PLD5: variants seen among roughly 807,000 people sequenced by gnomAD.
PLD5 encodes the protein inactive phospholipase D5.
A neutral mutation model predicts 61.1 loss-of-function variants in PLD5; 36 were observed. That is an observed-to-expected ratio of 0.59 (90% CI 0.45 to 0.78). The LOEUF is 0.78. Among genes scored for constraint, PLD5 ranks in the 30% least tolerant of loss-of-function variants. The pLI is 0.00. For missense variants in PLD5, 515 were observed against 644.4 expected (o/e 0.80, Z 2.17); for synonymous variants, 243 against 242.8 (o/e 1.00, Z -0.01).
chr1:242,205,574 T>C (rs1441020813), intron 5 of PLD5, among the ~76,000 whole-genome samples: 1 of 152,232 alleles, frequency 6.6e-6, no homozygotes, highest in Non-Finnish European at 1.5e-5. Flanking sequence ...TCATTTGTTT[T>C]CCCTCATTTC....
At chr1:242,121,393 G>A (rs891605547) in intron 6 of PLD5, among the ~76,000 whole-genome samples, 1 of 152,094 alleles carries the variant, frequency 6.6e-6, no homozygotes, top group African/African-American at 2.4e-5. Context: ...TCCAGTTGCA[G>A]GGTTTTCTGA....
chr1:242,365,840 T>C (rs1490905149), intron 1 of PLD5: 2 of 154,994 alleles, frequency 1.3e-5, no homozygotes, highest in African/African-American at 4.8e-5. Context: ...CACATTCGAA[T>C]AAATTCTACC....
rs868777712 is a variant in PLD5, at chr1:242,394,206, G to A, written c.190-45964C>T. Among the ~76,000 whole-genome samples the A allele has an allele frequency of 4.7e-3, 176 of 37,304 alleles. 19 individuals carry two copies. Among genetic ancestry groups the A allele is most frequent in the Non-Finnish European group, 5.5e-3 (102 of 18,470 alleles). 24.5% of individuals were successfully genotyped at this position (37,304 alleles called of 152,430 possible). A position where few individuals can be genotyped will look rare whatever the true frequency, so the allele number is the denominator to read the frequency against. On this transcript the variant is annotated intron_variant, in intron 1 of 9. Transcript: ENST00000536534. ...TGAGTATATATGAGTATATATATGT[G>A]TATATGAGTATATATATGTGTATAT...
At position 242,360,326 on chromosome 1, in the gene PLD5, G is replaced by GA. The variant is rs1004398244; in HGVS notation, c.190-12085dup. ...AGGATCATGATAAATACACCCTAATGAAAAAAAACATAAATTTTGTAATTT... is the reference window on the plus strand; with the variant it reads ...AGGATCATGATAAATACACCCTAATGAAAAAAAAACATAAATTTTGTAATTT... On this transcript the variant is annotated intron_variant, in intron 1 of 9. Transcript: ENST00000536534. Among the ~76,000 whole-genome samples the GA allele has an allele frequency of 6.0e-5, 9 of 151,042 alleles. No individual in the cohort carries two copies. In the East Asian group the frequency reaches 7.7e-4, roughly 13 times the overall value.
intron 1 of PLD5, among the ~76,000 whole-genome samples, chr1:242,476,925 A>G (rs1558593937): frequency 6.6e-6 from 1 of 152,174 alleles, no homozygotes; most frequent in Non-Finnish European, 1.5e-5. Context: ...TAAGTGACAA[A>G]TGAACAACTC....
At chr1:242,366,872 T>G (rs1051709758) in intron 1 of PLD5, among the ~76,000 whole-genome samples, 2 of 152,172 alleles carry the variant, frequency 1.3e-5, no homozygotes, top group African/African-American at 4.8e-5. Context: ...ATCAATAATT[T>G]TTGTGTTTTA....
intron 2 of PLD5, chr1:242,345,620 A>C (rs1296426507): frequency 8.2e-7 from 1 of 1,221,828 alleles, no homozygotes; most frequent in Non-Finnish European, 1.2e-6. Flanking sequence ...TGTTGGCAGA[A>C]TATGACTTTC....
chr1:242,231,584 C>T (rs991970847), intron 4 of PLD5, among the ~76,000 whole-genome samples: 1 of 152,106 alleles, frequency 6.6e-6, no homozygotes, highest in Non-Finnish European at 1.5e-5. Flanking sequence ...GGAGGCTCAC[C>T]AACTAGAGAA....
chr1:242,145,936 A>G (rs1022059619), intron 5 of PLD5, among the ~76,000 whole-genome samples: 11 of 152,190 alleles, frequency 7.2e-5, no homozygotes, highest in Admixed American at 2.0e-4. Flanking sequence ...TTGGCCTCCC[A>G]AAGTGTTGGG....
chr1:242,420,997 T>C (rs2149298742), intron 1 of PLD5, among the ~76,000 whole-genome samples: 1 of 152,072 alleles, frequency 6.6e-6, no homozygotes, highest in Admixed American at 6.5e-5. Context: ...CTGACCAACA[T>C]GGTGAAACCC....
chr1:242,518,297 C>T (rs72765081), intron 1 of PLD5, among the ~76,000 whole-genome samples: 2,775 of 152,330 alleles, frequency 0.018, 34 homozygotes, highest in South Asian at 0.055. Context: ...TTAACAGCCA[C>T]AGTTTGACCT....
intron 9 of PLD5, among the ~76,000 whole-genome samples, chr1:242,097,323 A>C (rs1048837889): frequency 6.6e-6 from 1 of 152,238 alleles, no homozygotes; most frequent in African/African-American, 2.4e-5. Flanking sequence ...AGGAATCGCC[A>C]CACTGAGTTC....
chr1:242,427,179 T>C (rs1182702594), intron 1 of PLD5, among the ~76,000 whole-genome samples: 2 of 152,158 alleles, frequency 1.3e-5, no homozygotes, highest in East Asian at 3.9e-4. Flanking sequence ...AGAATTACCT[T>C]GATCAACACA....
At chr1:242,505,163 T>C (rs1436856264) in intron 1 of PLD5, among the ~76,000 whole-genome samples, 3 of 152,252 alleles carry the variant, frequency 2.0e-5, no homozygotes, top group African/African-American at 7.2e-5. Flanking sequence ...TCTCAAAAAA[T>C]TTTTTAAAAA....
At chr1:242,157,381 C>T (rs1665466874) in intron 5 of PLD5, among the ~76,000 whole-genome samples, 1 of 152,152 alleles carries the variant, frequency 6.6e-6, no homozygotes, top group East Asian at 1.9e-4. Context: ...ATTCTCTGTC[C>T]AGTTTTGCTC....
intron 3 of PLD5, among the ~76,000 whole-genome samples, chr1:242,282,179 T>C (rs1674752416): frequency 1.3e-5 from 2 of 152,298 alleles, no homozygotes; most frequent in African/African-American, 4.8e-5. Flanking sequence ...CACTGTTCTA[T>C]CCTCTTCACA....
chr1:242,476,125 C>T (rs895867341), intron 1 of PLD5, among the ~76,000 whole-genome samples: 2 of 152,112 alleles, frequency 1.3e-5, no homozygotes, highest in South Asian at 2.1e-4. Context: ...GAGGCCAAGG[C>T]GAGCGGATCA....
chr1:242,336,346 C>T (rs7521223), intron 2 of PLD5, among the ~76,000 whole-genome samples: 9,092 of 152,126 alleles, frequency 0.06, 833 homozygotes, highest in African/African-American at 0.2. Context: ...GTTCCAGGAT[C>T]GATAAAGATC....
At chr1:242,313,104 G>A (rs1676801402) in intron 2 of PLD5, among the ~76,000 whole-genome samples, 1 of 152,188 alleles carries the variant, frequency 6.6e-6, no homozygotes, top group Admixed American at 6.5e-5. Flanking sequence ...GACTTTGCAT[G>A]TAGGAAAATC....
Sources: gnomAD v4.1 joint callset for allele counts (sites outside exome capture counted in the v4.1 genomes callset) on GRCh38, gnomAD v4.1.1 for gene constraint, MANE v1.5 for transcripts, NCBI Gene and HGNC (gene_info 2026-07-23, HGNC 2026-07-21) for gene names.